TRPM3: variants seen among roughly 807,000 people sequenced by gnomAD.
The protein encoded by TRPM3 is long transient receptor potential channel 3.
TRPM3 carries 77 observed loss-of-function variants against 181.2 expected under a neutral mutation model. That is an observed-to-expected ratio of 0.42 (90% confidence interval 0.35 to 0.51). The LOEUF is 0.51. Ranked by LOEUF, TRPM3 falls within the 20% of genes least tolerant of loss-of-function variation. The pLI is 0.01. For synonymous variants in TRPM3, 745 were observed against 796.4 expected (o/e 0.94, Z 1.09); for missense variants, 1,759 against 2,196.7 (o/e 0.80, Z 3.98).
intron 8 of TRPM3, among the ~76,000 whole-genome samples, chr9:70,745,903 A>T (rs1247086974): frequency 1.3e-5 from 2 of 152,160 alleles, no homozygotes; most frequent in African/African-American, 4.8e-5. Context: ...TTTAACTAAG[A>T]CTGGATAAAA....
At chr9:71,311,954 A>C (rs992435718) in intron 1 of TRPM3, among the ~76,000 whole-genome samples, 2 of 152,182 alleles carry the variant, frequency 1.3e-5, no homozygotes, top group African/African-American at 4.8e-5. Context: ...CCTGGGCCAC[A>C]TGAGGCCTGT....
rs116295662 is a variant in TRPM3, at chr9:71,430,501, A to T, written c.183+16152T>A. Among the ~76,000 whole-genome samples, 1,197 of 152,294 alleles carry T rather than the reference A, an allele frequency of 7.9e-3. 19 individuals are homozygous for T. The highest frequency in any genetic ancestry group is 0.027 in the African/African-American group (1,137 of 41,554). On this transcript the variant is annotated intron_variant, in intron 1 of 24. Coordinates refer to the TRPM3 transcript ENST00000357533. ...CTGTAGTCTTATAGTTTTTATAAGC[A>T]TACAGAGTGAGATTAAATAAGAATG...
chr9:70,818,240 A>G (rs764529423), intron 6 of TRPM3, among the ~76,000 whole-genome samples: 7 of 152,250 alleles, frequency 4.6e-5, no homozygotes, highest in Non-Finnish European at 7.3e-5. Flanking sequence ...TTTGAAAAGC[A>G]TGATTCATGA....
At chr9:71,278,704 ACT>A (rs2084421429) in intron 1 of TRPM3, among the ~76,000 whole-genome samples, 2 of 149,188 alleles carry the variant, frequency 1.3e-5, no homozygotes, top group East Asian at 3.9e-4. Flanking sequence ...AGAAACAGTA[ACT>A]CTATGTGGCT....
At position 71,349,551 on chromosome 9, in the gene TRPM3, A is replaced by G. The variant is rs2091481002; in HGVS notation, c.183+97102T>C. On this transcript the variant is annotated intron_variant, in intron 1 of 24. Transcript: ENST00000357533. ...TTGAATTTAGGTTTTTAAAACCCCA[A>G]GATATTTTATAATATTTTAACGGTG... 5.9e-5 allele frequency among the ~76,000 whole-genome samples: 9 copies of G among 152,342 alleles called. No homozygotes were observed. In the South Asian group the frequency reaches 1.9e-3, roughly 32 times the overall value.
At position 71,056,292 on chromosome 9, in the gene TRPM3, C is replaced by A. The variant is rs539145540; in HGVS notation, c.177+64886G>T. On this transcript the variant is annotated intron_variant, in intron 1 of 25. Transcript: ENST00000677713. ...ACAGTATGCTGCCTCTTGTTCTAAT[C>A]TTTTCATATTATGTTCAAAGGAAAT... is the stretch of plus-strand genomic sequence containing the variant. Among the ~76,000 whole-genome samples, 13 of 152,150 alleles carry A rather than the reference C, an allele frequency of 8.5e-5. No individual in the cohort carries two copies. In the South Asian group the frequency reaches 2.7e-3, roughly 32 times the overall value.
intron 9 of TRPM3, among the ~76,000 whole-genome samples, chr9:70,675,051 C>A (rs1269169487): frequency 1.3e-5 from 2 of 151,950 alleles, no homozygotes; most frequent in Admixed American, 6.6e-5. Context: ...ATAAAACATA[C>A]TGGCTATTCT....
rs1347434288 is a variant in TRPM3 at position 70,552,869 on chromosome 9, G to A, written c.3549C>T (p.Asp1183=). 1 of 1,613,974 alleles carries A rather than the reference G, an allele frequency of 6.2e-7. No homozygotes were observed. The highest frequency in any genetic ancestry group is 8.5e-7 in the Non-Finnish European group (1 of 1,180,030). The change falls in exon 24 of 26, where the codon GAC becomes GAT. Residue 1183 remains aspartate (D), a synonymous_variant. Transcript: ENST00000677713. ...TCAGGCCGTAGTCCCTTTCATCCGG[G>A]TCGCTCTCGTGTTTCCTCCATCGGC... ...LCCRWRKHES[D]PDERDYGLKL...
chr9:71,440,225 G>A (rs2094117256), intron 1 of TRPM3, among the ~76,000 whole-genome samples: 1 of 151,996 alleles, frequency 6.6e-6, no homozygotes, highest in African/African-American at 2.4e-5. Flanking sequence ...GCAGAACTGG[G>A]GAGAAAAGAG....
At chr9:71,396,347 G>A (rs555370236) in intron 1 of TRPM3, among the ~76,000 whole-genome samples, 5 of 151,044 alleles carry the variant, frequency 3.3e-5, no homozygotes, top group South Asian at 4.2e-4. Flanking sequence ...AGAGTTATGC[G>A]GCAGCAATGA....
upstream of TRPM3, chr9:71,121,711 G>C (rs2073674201): frequency 1.1e-6 from 1 of 921,488 alleles, no homozygotes; most frequent in African/African-American, 1.7e-5. Flanking sequence ...TTGGTTTGGG[G>C]GGGAGCCAGG....
chr9:71,152,259 A>G (rs2075775054), intron 1 of TRPM3, among the ~76,000 whole-genome samples: 3 of 152,160 alleles, frequency 2.0e-5, no homozygotes, highest in Non-Finnish European at 4.4e-5. Context: ...GCCACTGTTA[A>G]AAACCAAGTC....
chr9:70,590,084 A>G (rs571737870), intron 22 of TRPM3, among the ~76,000 whole-genome samples: 2 of 152,320 alleles, frequency 1.3e-5, no homozygotes, highest in Non-Finnish European at 2.9e-5. Context: ...TGTTAATTCA[A>G]CAATGTTGGA....
At chr9:71,272,861 G>C (rs1234224543) in intron 1 of TRPM3, among the ~76,000 whole-genome samples, 1 of 150,658 alleles carries the variant, frequency 6.6e-6, no homozygotes, top group Middle Eastern at 3.2e-3. Flanking sequence ...TATGAACATT[G>C]TATGAAAGCG....
At chr9:70,612,225 A>T (rs1207884000) in intron 18 of TRPM3, among the ~76,000 whole-genome samples, 1 of 152,208 alleles carries the variant, frequency 6.6e-6, no homozygotes, top group Non-Finnish European at 1.5e-5. Flanking sequence ...ATAACAGCAT[A>T]ATTTCTTGAC....
At chr9:70,620,840 G>T (rs2063507267) in intron 15 of TRPM3, among the ~76,000 whole-genome samples, 1 of 151,758 alleles carries the variant, frequency 6.6e-6, no homozygotes, top group Admixed American at 6.6e-5. Flanking sequence ...CTGGCCTTTA[G>T]ACCTGTCATC....
Position 70,678,397 on chromosome 9 carries a change from T to A in TRPM3, c.1345+3109A>T, listed in dbSNP as rs564131099. ...CTACTCCCGCCTCAACCTCCCAAAGTGTTGCTGTTACAGGCATGAGCTCTT... is the reference window on the plus strand; with the variant it reads ...CTACTCCCGCCTCAACCTCCCAAAGAGTTGCTGTTACAGGCATGAGCTCTT... On this transcript the variant is annotated intron_variant, in intron 9 of 25. Transcript: ENST00000677713. 3.4e-4 allele frequency among the ~76,000 whole-genome samples: 51 copies of A among 152,214 alleles called. 1 individual carries two copies. The highest frequency in any genetic ancestry group is 1.1e-3 in the African/African-American group (46 of 41,544).
chr9:70,601,274 A>G (rs1564506724), intron 20 of TRPM3, among the ~76,000 whole-genome samples: 1 of 152,160 alleles, frequency 6.6e-6, no homozygotes, highest in African/African-American at 2.4e-5. Context: ...AAACAGTGCC[A>G]TGCTATTAAG....
At chr9:70,790,770 A>T (rs927957192) in intron 6 of TRPM3, among the ~76,000 whole-genome samples, 8 of 152,346 alleles carry the variant, frequency 5.3e-5, no homozygotes, top group Admixed American at 5.2e-4. Context: ...GCCTGAAAAC[A>T]TTCAAAAGTA....
Sources: allele counts gnomAD v4.1 joint callset (sites outside exome capture counted in the v4.1 genomes callset), GRCh38; gene constraint gnomAD v4.1.1; transcripts MANE v1.5; gene names NCBI Gene and HGNC (gene_info 2026-07-23, HGNC 2026-07-21).